SLC13A4: variants seen among roughly 807,000 people sequenced by gnomAD.
SLC13A4 encodes the protein Na(+)/sulfate cotransporter SUT-1.
A neutral mutation model predicts 72.7 loss-of-function variants in SLC13A4; 28 were observed. That is an observed-to-expected ratio of 0.39 (90% CI 0.29 to 0.53). The LOEUF (loss-of-function observed/expected upper bound fraction) is 0.53, where lower values mean the gene tolerates loss of function less well. Among genes scored for constraint, SLC13A4 ranks in the 20% least tolerant of loss-of-function variants. The probability of loss-of-function intolerance (pLI) is 0.78; values close to 1 mark genes in which losing one functional copy is unlikely to be tolerated. For missense variants in SLC13A4, 653 were observed against 788.0 expected, an observed-to-expected ratio of 0.83 and a Z score of 2.05; for synonymous variants, 312 against 325.5, an observed-to-expected ratio of 0.96 and a Z score of 0.45.
intron 3 of SLC13A4, chr7:135,707,912 T>C (rs1796204942): frequency 1.8e-6 from 1 of 553,566 alleles, no homozygotes; most frequent in Non-Finnish European, 3.1e-6. Flanking sequence ...TGGATAATGA[T>C]AGCAAGGTCA....
In SLC13A4 at chr7:135,708,180, T is replaced by C; in HGVS notation, c.299A>G (p.Glu100Gly). The change falls in exon 3 of 16, where the codon GAG (glutamate) becomes GGG (glycine). Residue 100 changes from glutamate to glycine, a missense_variant. Glu to Gly is a moderately conservative substitution (Grantham distance 98, BLOSUM62 -2). Coordinates refer to ENST00000682651, the MANE Select transcript of SLC13A4 (RefSeq NM_001318192.2). ...AATGCGCTTATGCAGGTTCCACTTC[T>C]CCACGGCAGCCGCCACGCAGATGAC... is the stretch of plus-strand genomic sequence containing the variant. Reference protein sequence around the residue: ...VGVICVAAAVEKWNLHKRIAL... With the variant: ...VGVICVAAAVGKWNLHKRIAL... 6.2e-7 allele frequency: 1 copy of C among 1,614,190 alleles called. No individual in the cohort carries two copies. Among genetic ancestry groups the C allele is most frequent in the Non-Finnish European group, 8.5e-7 (1 of 1,180,030 alleles).
intron 3 of SLC13A4, 119 bp from the exon 4 acceptor site, chr7:135,706,419 G>GA: frequency 9.5e-7 from 1 of 1,049,222 alleles, no homozygotes; most frequent in Non-Finnish European, 1.4e-6. Flanking sequence ...GGAAAGGCAG[G>GA]CATTTGTCCT....
chr7:135,721,507 T>A lies in SLC13A4; in HGVS notation c.116A>T (p.Tyr39Phe). The change falls in exon 2 of 16, where the codon TAC (tyrosine) becomes TTC (phenylalanine). Residue 39 changes from tyrosine (Y) to phenylalanine (F), a missense_variant. Coordinates refer to ENST00000682651, the MANE Select transcript of SLC13A4 (RefSeq NM_001318192.2). ...GTACACAGCAGTCACGATCAGCACGTAAGCACACGAGGCCTCCTGCAAGGC... is the reference window on the plus strand; with the variant it reads ...GTACACAGCAGTCACGATCAGCACGAAAGCACACGAGGCCTCCTGCAAGGC... ...LHPSSEASCA[Y>F]VLIVTAVYWV... 1 of 1,614,014 alleles carries A rather than the reference T, an allele frequency of 6.2e-7. No individual in the cohort carries two copies. The highest frequency in any genetic ancestry group is 1.1e-5 in the South Asian group (1 of 91,078).
intron 13 of SLC13A4, among the ~76,000 whole-genome samples, chr7:135,688,097 T>A (rs527272455): frequency 1.3e-5 from 2 of 152,116 alleles, no homozygotes; most frequent in East Asian, 3.9e-4. Flanking sequence ...GGCCTCAGCC[T>A]CCCAAGTAGC....
chr7:135,686,548 T>C (rs1416774310), intron 13 of SLC13A4, among the ~76,000 whole-genome samples: 1 of 152,154 alleles, frequency 6.6e-6, no homozygotes. Flanking sequence ...GCTCTTTTTA[T>C]TTGTAGAGAC....
rs764516484 is a variant in SLC13A4 at position 135,706,151 on chromosome 7, T to C, written c.515A>G (p.Asn172Ser). ...EDEQLVAGNS[N>S]TEEAEPISLD... ...ACTGATGGGTTCGGCCTCTTCGGTG[T>C]TGGAGTTGCCCGCCACGAGCTGCTC... The change falls in exon 4 of 16, where the codon AAC becomes AGC. Residue 172 changes from asparagine to serine, a missense_variant. Asn to Ser is a conservative substitution (Grantham distance 46, BLOSUM62 1). Transcript: ENST00000682651. 2 of 1,605,546 alleles carry C rather than the reference T, an allele frequency of 1.2e-6. No homozygotes were observed. The highest frequency in any genetic ancestry group is 1.7e-6 in the Non-Finnish European group (2 of 1,173,320).
intron 2 of SLC13A4, among the ~76,000 whole-genome samples, chr7:135,713,166 G>GT (rs142009365): frequency 0.011 from 1,600 of 152,302 alleles, 16 homozygotes; most frequent in South Asian, 0.021. Context: ...GATTGTTAGA[G>GT]TTTTTTGTAA....
intron 2 of SLC13A4, among the ~76,000 whole-genome samples, chr7:135,715,292 AGT>A (rs199971409): frequency 0.013 from 1,919 of 145,418 alleles, 39 homozygotes; most frequent in African/African-American, 0.047. Flanking sequence ...AGTGTGTGTG[AGT>A]GTACGTATAT....
Position 135,685,700 on chromosome 7 carries a change from T to TAAAGTAA in SLC13A4, c.1447-18_1447-17insTTACTTT. 6.2e-7 allele frequency: 1 copy of TAAAGTAA among 1,602,440 alleles called. No individual in the cohort carries two copies. The highest frequency in any genetic ancestry group is 8.5e-7 in the Non-Finnish European group (1 of 1,170,600). On this transcript the variant is annotated splice_polypyrimidine_tract_variant and intron_variant, in intron 13 of 15. Coordinates refer to ENST00000682651, the MANE Select transcript of SLC13A4 (RefSeq NM_001318192.2). Reference sequence around the variant, plus strand: ...GCCAGAGCTCTGTAGGAAGAGGTGTTACAGTAAGAAGAAAGGAGAAGAAGC... The same window carrying TAAAGTAA: ...GCCAGAGCTCTGTAGGAAGAGGTGTTAAAGTAAACAGTAAGAAGAAAGGAGAAGAAGC...
intron 2 of SLC13A4, among the ~76,000 whole-genome samples, chr7:135,719,383 G>A (rs182115415): frequency 1.1e-3 from 160 of 152,254 alleles, no homozygotes; most frequent in African/African-American, 3.7e-3. Flanking sequence ...TTAATTAATA[G>A]TTTTCTCACT....
At chr7:135,718,632 G>C (rs998401396) in intron 2 of SLC13A4, among the ~76,000 whole-genome samples, 1 of 152,172 alleles carries the variant, frequency 6.6e-6, no homozygotes, top group African/African-American at 2.4e-5. Context: ...TCAGCCTTTG[G>C]TCATTGGAAG....
intron 2 of SLC13A4, among the ~76,000 whole-genome samples, chr7:135,713,245 T>A (rs1390225380): frequency 6.6e-6 from 1 of 152,180 alleles, no homozygotes; most frequent in Non-Finnish European, 1.5e-5. Flanking sequence ...GACATTTGCA[T>A]GGTGGTTTGA....
chr7:135,687,340 C>T (rs1438776329), intron 13 of SLC13A4, among the ~76,000 whole-genome samples: 5 of 152,120 alleles, frequency 3.3e-5, no homozygotes, highest in Admixed American at 1.3e-4. Context: ...ATTTATGATT[C>T]CTCAAGCTCT....
At chr7:135,705,895 G>C (rs1796148797) in intron 4 of SLC13A4, 1 of 564,266 alleles carries the variant, frequency 1.8e-6, no homozygotes, top group African/African-American at 1.9e-5. Flanking sequence ...GGGGAAAAGA[G>C]CCCAGAAGTG....
intron 2 of SLC13A4, among the ~76,000 whole-genome samples, chr7:135,715,561 ACAAAGAGCACATG>A (rs61720490): frequency 0.012 from 1,771 of 152,002 alleles, 28 homozygotes; most frequent in African/African-American, 0.04. Context: ...AAGGATAGAG[ACAAAGAGCACATG>A]CAATTACTTC....
At chr7:135,709,931 A>T (rs541336516) in intron 2 of SLC13A4, among the ~76,000 whole-genome samples, 10 of 152,252 alleles carry the variant, frequency 6.6e-5, no homozygotes, top group Admixed American at 2.0e-4. Flanking sequence ...TTGTCTCTCA[A>T]CTAAATTTTT....
intron 15 of SLC13A4, chr7:135,683,460 A>G (rs995911824): frequency 4.3e-4 from 425 of 984,670 alleles, no homozygotes; most frequent in Non-Finnish European, 5.0e-4. Flanking sequence ...AGTAATTCGT[A>G]TCAGTGTTTT....
chr7:135,694,521 T>C (rs1795859594), intron 9 of SLC13A4, among the ~76,000 whole-genome samples: 1 of 152,198 alleles, frequency 6.6e-6, no homozygotes, highest in African/African-American at 2.4e-5. Flanking sequence ...TGTATTCGTG[T>C]GGGGTCATTT....
chr7:135,691,369 G>C (rs369235611), intron 12 of SLC13A4, 44 bp from the exon 13 acceptor site: 109 of 1,568,812 alleles, frequency 6.9e-5, no homozygotes, highest in Non-Finnish European at 8.8e-5. Flanking sequence ...CCTGATGGAC[G>C]TGATTTGTGG....
Sources: allele counts gnomAD v4.1 joint callset (sites outside exome capture counted in the v4.1 genomes callset), GRCh38; gene constraint gnomAD v4.1.1; transcripts MANE v1.5; gene names NCBI Gene and HGNC (gene_info 2026-07-23, HGNC 2026-07-21).